ING5: variants seen among roughly 807,000 people sequenced by gnomAD.
ING5 encodes inhibitor of growth family member 5.
A neutral mutation model predicts 37.4 loss-of-function variants in ING5; 17 were observed. The ratio of observed to expected loss-of-function variants is 0.45; its 90% CI spans 0.31 to 0.68. The LOEUF (loss-of-function observed/expected upper bound fraction) is 0.68, where lower values mean the gene tolerates loss of function less well. Ranked by LOEUF, ING5 falls within the 30% of genes least tolerant of loss-of-function variation. The probability of loss-of-function intolerance (pLI) is 0.05; values close to 1 mark genes in which losing one functional copy is unlikely to be tolerated. For synonymous variants in ING5, 123 were observed against 116.6 expected, an observed-to-expected ratio of 1.06 and a Z score of -0.36; for missense variants, 233 against 311.9, an observed-to-expected ratio of 0.75 and a Z score of 1.91.
At chr2:241,689,164 G>A (rs1254165605) in intron 1 of ING5, among the ~76,000 whole-genome samples, 1 of 151,450 alleles carries the variant, frequency 6.6e-6, no homozygotes, top group Non-Finnish European at 1.5e-5. Flanking sequence ...CCAGAGTGGA[G>A]TGCAATGGCA....
chr2:241,694,766 T>C (rs200992637), intron 2 of ING5, among the ~76,000 whole-genome samples: 12,668 of 143,860 alleles, frequency 0.088, 1,430 homozygotes, highest in African/African-American at 0.27. Context: ...ACACTGTAAT[T>C]CTAGCACTTT....
chr2:241,720,035 G>C, intron 5 of ING5: 1 of 1,242,362 alleles, frequency 8.0e-7, no homozygotes, highest in Middle Eastern at 2.1e-4. Context: ...GGCCAGCTCT[G>C]AAGCTGGGCT....
upstream of ING5, among the ~76,000 whole-genome samples, chr2:241,698,180 C>G (rs1335569201): frequency 6.6e-6 from 1 of 151,652 alleles, no homozygotes; most frequent in Non-Finnish European, 1.5e-5. Flanking sequence ...CGTGGTGGCT[C>G]ACGCCTGTAA....
chr2:241,701,515 C>T (rs542652513), upstream of ING5, among the ~76,000 whole-genome samples: 12 of 152,166 alleles, frequency 7.9e-5, no homozygotes, highest in Non-Finnish European at 1.6e-4. Context: ...GGGCAGCTCG[C>T]CCGGGCCACG....
In ING5 at chr2:241,720,167, T is replaced by C; in HGVS notation, c.483-2772T>C. On this transcript the variant is annotated intron_variant, in intron 5 of 7. Coordinates refer to ENST00000313552, the MANE Select transcript of ING5 (RefSeq NM_032329.6). ...AAAGCCTGGCCTGCCGGGGCGGGAG[T>C]GTGCACTCGGGTGCCTCCAAGGGCA... 4 of 1,235,762 alleles carry C rather than the reference T, an allele frequency of 3.2e-6. No homozygotes were observed. In the South Asian group the frequency reaches 1.2e-4, roughly 38 times the overall value. The allele number at this position is 1,235,762 out of a possible 1,614,324, so 76.5% of individuals were successfully genotyped here.
exon 1 of ING5, chr2:241,687,857 T>C (rs1462294303): frequency 6.6e-6 from 1 of 152,368 alleles, no homozygotes; most frequent in Non-Finnish European, 1.5e-5. Context: ...TGTATACAAA[T>C]TATAGCACGG....
intron 5 of ING5, among the ~76,000 whole-genome samples, chr2:241,715,331 A>T (rs1293098458): frequency 6.6e-6 from 1 of 151,948 alleles, no homozygotes; most frequent in Non-Finnish European, 1.5e-5. Context: ...AGTAGCTGGG[A>T]CCACAAGTGC....
At chr2:241,705,900 G>A (rs1002010217) in intron 2 of ING5, among the ~76,000 whole-genome samples, 2 of 152,146 alleles carry the variant, frequency 1.3e-5, no homozygotes, top group African/African-American at 4.8e-5. Context: ...TGAGACCAGT[G>A]ATGGGACTTC....
exon 1 of ING5, chr2:241,687,423 G>A (rs1043414893): frequency 5.0e-6 from 2 of 398,730 alleles, no homozygotes; most frequent in Non-Finnish European, 8.8e-6. Context: ...CTGTGTAGAC[G>A]CTGGCCACGT....
chr2:241,724,644 G>A (rs1691535646), intron 7 of ING5: 1 of 351,318 alleles, frequency 2.8e-6, no homozygotes, highest in Admixed American at 4.2e-5. Flanking sequence ...CTCAACGCGT[G>A]CTTGGTACCT....
intron 5 of ING5, chr2:241,722,585 AATG>A (rs1392056381): frequency 1.0e-6 from 1 of 985,250 alleles, no homozygotes; most frequent in African/African-American, 1.7e-5. Context: ...TCGTATACTT[AATG>A]ATTTTCTTGC....
At chr2:241,689,358 C>T (rs573544319) in intron 1 of ING5, among the ~76,000 whole-genome samples, 49 of 152,216 alleles carry the variant, frequency 3.2e-4, no homozygotes, top group South Asian at 1.7e-3. Flanking sequence ...GATCCGCCCA[C>T]GTCAGCCTCC....
At chr2:241,702,867 C>T (rs1337172760) in intron 1 of ING5, among the ~76,000 whole-genome samples, 1 of 152,248 alleles carries the variant, frequency 6.6e-6, no homozygotes, top group Non-Finnish European at 1.5e-5. Flanking sequence ...CCGGGATGGG[C>T]ACAGCTTTGG....
chr2:241,708,691 C>T lies in ING5; in HGVS notation c.110-525C>T, dbSNP rs147632466. Among the ~76,000 whole-genome samples, 501 of 152,294 alleles carry T rather than the reference C, an allele frequency of 3.3e-3. 1 individual carries two copies. The highest frequency in any genetic ancestry group is 0.012 in the African/African-American group (482 of 41,566). On this transcript the variant is annotated intron_variant, in intron 2 of 7. Transcript: ENST00000313552. The stretch of plus-strand genomic sequence containing the variant: ...TTGCTCTTTTTGTTGCTGAGTAGCA[C>T]TCTGTTGTCTGAAGGGACCACAGCT...
At position 241,711,296 on chromosome 2, in the gene ING5, C is replaced by A. The variant is rs1428384619; in HGVS notation, c.277-81C>A. ...CAATTAAAGGGCAAGAAGGTGTTTC[C>A]TGGTGGATACTTTTGTACATTCGTG... On this transcript the variant is annotated intron_variant, in intron 3 of 7. Transcript: ENST00000313552. 7.2e-6 allele frequency: 7 copies of A among 966,954 alleles called. No homozygotes were observed. In the East Asian group the frequency reaches 2.0e-4, roughly 28 times the overall value. The allele number at this position is 966,954 out of a possible 1,614,324, so 59.9% of individuals were successfully genotyped here. A position where few individuals can be genotyped will look rare whatever the true frequency, so the allele number is the denominator to read the frequency against.
chr2:241,687,027 G>T (rs1377672202), upstream of ING5: 3 of 508,982 alleles, frequency 5.9e-6, no homozygotes, highest in South Asian at 1.2e-4. Context: ...CCCGTGTCCC[G>T]TGCGGGCCTC....
At chr2:241,711,565 A>G in intron 4 of ING5, 77 bp downstream of exon 4, 1 of 1,069,852 alleles carries the variant, frequency 9.3e-7, no homozygotes, top group Non-Finnish European at 1.4e-6. Flanking sequence ...ACGGTAAATC[A>G]TTAAAGTATG....
intron 2 of ING5, among the ~76,000 whole-genome samples, chr2:241,706,579 C>T (rs946550998): frequency 3.0e-4 from 43 of 144,690 alleles, no homozygotes; most frequent in African/African-American, 9.8e-4. Context: ...ACCTGGAGAT[C>T]GCACCATTGC....
At chr2:241,702,994 G>A (rs1050011571) in intron 1 of ING5, among the ~76,000 whole-genome samples, 1 of 152,230 alleles carries the variant, frequency 6.6e-6, no homozygotes, top group Non-Finnish European at 1.5e-5. Context: ...ACAGTGGCGA[G>A]TGAGCCGTGG....
Sources: allele counts gnomAD v4.1 joint callset (sites outside exome capture counted in the v4.1 genomes callset), GRCh38; gene constraint gnomAD v4.1.1; transcripts MANE v1.5; gene names NCBI Gene and HGNC (gene_info 2026-07-23, HGNC 2026-07-21).